Variants in FAM135B observed in about 807,000 individuals in gnomAD.
The protein encoded by FAM135B is protein FAM135B.
Under a neutral mutation model 127.7 loss-of-function variants are expected in FAM135B, and 43 were observed. The ratio of observed to expected loss-of-function variants is 0.34; its 90% CI spans 0.26 to 0.43. FAM135B has a LOEUF of 0.43. Ranked by LOEUF, FAM135B falls within the 20% of genes least tolerant of loss-of-function variation. The pLI is 1.00. For synonymous variants in FAM135B, 670 were observed against 665.1 expected (o/e 1.01, Z -0.11); for missense variants, 1,558 against 1,725.6 (o/e 0.90, Z 1.72).
At chr8:138,416,187 G>A (rs1465164558) in intron 1 of FAM135B, among the ~76,000 whole-genome samples, 1 of 152,084 alleles carries the variant, frequency 6.6e-6, no homozygotes, top group Non-Finnish European at 1.5e-5. Flanking sequence ...TGTACTTTTG[G>A]AGTACAAAAC....
intron 3 of FAM135B, among the ~76,000 whole-genome samples, chr8:138,266,845 T>C (rs1822979586): frequency 6.7e-6 from 1 of 149,852 alleles, no homozygotes; most frequent in African/African-American, 2.5e-5. Flanking sequence ...CATACTAAAG[T>C]AAATAATACT....
chr8:138,320,046 T>C (rs552251514), intron 2 of FAM135B, among the ~76,000 whole-genome samples: 2 of 152,332 alleles, frequency 1.3e-5, no homozygotes, highest in African/African-American at 4.8e-5. Flanking sequence ...ACTCTTCTAC[T>C]GCATGGAGAC....
chr8:138,206,348 T>C (rs1230319810), intron 7 of FAM135B, among the ~76,000 whole-genome samples: 8 of 138,560 alleles, frequency 5.8e-5, no homozygotes, highest in Admixed American at 1.4e-4. Flanking sequence ...TACCCACAAC[T>C]CCAGCATCCC....
intron 15 of FAM135B, among the ~76,000 whole-genome samples, chr8:138,145,259 C>G (rs10103346): frequency 1 from 152,111 of 152,282 alleles, 75,971 homozygotes; most frequent in Middle Eastern, 1. Context: ...CAAGCGATCT[C>G]ACTGCTTTGG....
chr8:138,183,004 C>T (rs915191310), intron 9 of FAM135B, among the ~76,000 whole-genome samples: 18 of 152,038 alleles, frequency 1.2e-4, no homozygotes, highest in Non-Finnish European at 1.9e-4. Context: ...AATCCCTCCC[C>T]AACACCTTGT....
chr8:138,243,899 C>A lies in FAM135B; in HGVS notation c.543-831G>T, dbSNP rs140690917. On this transcript the variant is annotated intron_variant, in intron 6 of 19. Transcript: ENST00000395297. This position sits in a 1 kb window ranked among gnomAD's most constrained non-coding sequence, Gnocchi z 7.5. ...TTTGTCATATTGTGGATACTATATT[C>A]TAGGCATGTTTTAGTCCCTCAGTAA... Among the ~76,000 whole-genome samples, 707 of 152,026 alleles carry A rather than the reference C, an allele frequency of 4.7e-3. 6 individuals are homozygous for A. Among genetic ancestry groups the A allele is most frequent in the South Asian group, 0.018 (86 of 4,806 alleles).
intron 1 of FAM135B, among the ~76,000 whole-genome samples, chr8:138,404,726 C>G (rs986267507): frequency 6.6e-6 from 1 of 152,154 alleles, no homozygotes; most frequent in Admixed American, 6.6e-5. Flanking sequence ...TAAGAAGCAA[C>G]TTCTCATCCA....
chr8:138,195,651 C>A (rs1294610181), intron 8 of FAM135B, among the ~76,000 whole-genome samples: 1 of 152,088 alleles, frequency 6.6e-6, no homozygotes, highest in Non-Finnish European at 1.5e-5. Flanking sequence ...CACACACACA[C>A]ACACACAAAC....
intron 2 of FAM135B, among the ~76,000 whole-genome samples, chr8:138,316,465 G>T (rs1375242294): frequency 2.0e-5 from 3 of 151,082 alleles, no homozygotes; most frequent in Admixed American, 1.3e-4. Context: ...CAGCACTCCC[G>T]CCTGGGCGAC....
chr8:138,460,157 A>G (rs1156452836), intron 1 of FAM135B, among the ~76,000 whole-genome samples: 1 of 152,160 alleles, frequency 6.6e-6, no homozygotes, highest in East Asian at 1.9e-4. Flanking sequence ...CATTCCACTC[A>G]TTATCACATT....
At chr8:138,158,994 C>T (rs577247398) in intron 12 of FAM135B, among the ~76,000 whole-genome samples, 57 of 151,826 alleles carry the variant, frequency 3.8e-4, no homozygotes, top group South Asian at 2.9e-3. Context: ...CATGCACGGC[C>T]GGGCGTGGTG....
chr8:138,411,512 T>A (rs202048504), intron 1 of FAM135B, among the ~76,000 whole-genome samples: 2 of 152,098 alleles, frequency 1.3e-5, no homozygotes, highest in African/African-American at 4.8e-5. Context: ...CTTAAACGTT[T>A]GACCTAAAAC....
intron 2 of FAM135B, among the ~76,000 whole-genome samples, chr8:138,354,225 A>G (rs1363544925): frequency 1.3e-5 from 2 of 152,150 alleles, no homozygotes; most frequent in Non-Finnish European, 2.9e-5. Flanking sequence ...ATCTATAGAT[A>G]CAATCCCAGC....
chr8:138,431,187 C>T (rs112743706), intron 1 of FAM135B, among the ~76,000 whole-genome samples: 10 of 152,288 alleles, frequency 6.6e-5, no homozygotes, highest in African/African-American at 1.4e-4. Context: ...AATTAGCTTA[C>T]ACACATTCAC....
chr8:138,487,409 G>A (rs898381753), intron 1 of FAM135B, among the ~76,000 whole-genome samples: 5 of 151,914 alleles, frequency 3.3e-5, no homozygotes, highest in Admixed American at 6.6e-5. Context: ...AAAGTGATCC[G>A]GGACTTAATT....
chr8:138,296,456 C>T (rs547461947), intron 3 of FAM135B, among the ~76,000 whole-genome samples: 1 of 152,210 alleles, frequency 6.6e-6, no homozygotes, highest in African/African-American at 2.4e-5. Context: ...CTTTCCCAGC[C>T]CCCCAACTCA....
At chr8:138,263,413 C>A (rs1822689538) in intron 4 of FAM135B, among the ~76,000 whole-genome samples, 1 of 152,188 alleles carries the variant, frequency 6.6e-6, no homozygotes, top group South Asian at 2.1e-4. Flanking sequence ...CAATGGAAAC[C>A]AAAAGGTAAA....
rs1003795182 is a variant in FAM135B at position 138,388,856 on chromosome 8, A to G, written c.-19-20854T>C. ...CTTCTGCTCAAACCCATATAATGTTAGAGTATTCAACACCACGAGTGCATC... is the reference window on the plus strand; with the variant it reads ...CTTCTGCTCAAACCCATATAATGTTGGAGTATTCAACACCACGAGTGCATC... On this transcript the variant is annotated intron_variant, in intron 1 of 19. Coordinates refer to ENST00000395297, the MANE Select transcript of FAM135B (RefSeq NM_015912.4). 2.0e-5 allele frequency among the ~76,000 whole-genome samples: 3 copies of G among 152,170 alleles called. No homozygotes were observed. The South Asian group carries it at 6.2e-4, about 32-fold the overall frequency.
rs533686557 is a variant in FAM135B, at chr8:138,194,055, C to T, written c.873+1203G>A. ...CACACCGTCAATGCTGCAGCAGAGT[C>T]GGAGCATATGAGCCCCCAAGTGTGG... On this transcript the variant is annotated intron_variant, in intron 9 of 19. Transcript: ENST00000395297. Among the ~76,000 whole-genome samples the T allele has an allele frequency of 2.0e-4, 30 of 152,278 alleles. No homozygotes were observed. The South Asian group carries it at 6.0e-3, about 31-fold the overall frequency.
Sources: allele counts gnomAD v4.1 joint callset (sites outside exome capture counted in the v4.1 genomes callset), GRCh38; gene constraint gnomAD v4.1.1; non-coding constraint Gnocchi (gnomAD v3.1); transcripts MANE v1.5; gene names NCBI Gene and HGNC (gene_info 2026-07-23, HGNC 2026-07-21).